The following DDRGK1 variants were observed in gnomAD, a reference collection of about 807,000 sequenced individuals.
DDRGK1 encodes DDRGK domain containing 1.
In DDRGK1, 38 loss-of-function variants were observed where a neutral mutation model predicts 45.8. The ratio of observed to expected loss-of-function variants is 0.83; its 90% CI spans 0.64 to 1.09. The LOEUF (loss-of-function observed/expected upper bound fraction) is 1.09. DDRGK1 is among the 50% of genes least tolerant of loss of function. The pLI is 0.00. For synonymous variants in DDRGK1, 171 were observed against 168.7 expected (o/e 1.01, Z -0.11); for missense variants, 403 against 419.9 (o/e 0.96, Z 0.35).
At chr20:3,200,954 C>CA (rs1168520643) in intron 2 of DDRGK1, among the ~76,000 whole-genome samples, 2 of 152,186 alleles carry the variant, frequency 1.3e-5, no homozygotes, top group Non-Finnish European at 2.9e-5. Flanking sequence ...ACTAAAAATA[C>CA]AAAAAATTAG....
intron 1 of DDRGK1, 79 bp downstream of exon 1, chr20:3,204,458 C>T: frequency 7.0e-7 from 1 of 1,427,406 alleles, no homozygotes; most frequent in Non-Finnish European, 9.4e-7. Context: ...CGCGCAGGAG[C>T]CGCGGCGCGA....
intron 4 of DDRGK1, among the ~76,000 whole-genome samples, chr20:3,197,308 A>G (rs751622955): frequency 6.6e-6 from 1 of 151,972 alleles, no homozygotes; most frequent in African/African-American, 2.4e-5. Flanking sequence ...AGATTTCCAT[A>G]TAATTTATGT....
intron 4 of DDRGK1, among the ~76,000 whole-genome samples, chr20:3,198,700 C>CA (rs151197280): frequency 0.19 from 7,935 of 40,890 alleles, 1,207 homozygotes; most frequent in Non-Finnish European, 0.24. Flanking sequence ...AACTCCGTTT[C>CA]AAAAAAAAAA....
chr20:3,193,768 C>A (rs1009396225), intron 6 of DDRGK1, among the ~76,000 whole-genome samples: 26 of 152,134 alleles, frequency 1.7e-4, no homozygotes, highest in Non-Finnish European at 3.1e-4. Flanking sequence ...GAACTGGGGA[C>A]CTTTCTTCTG....
At chr20:3,195,016 C>G in intron 5 of DDRGK1, 148 bp from the exon 6 acceptor site, 1 of 1,325,470 alleles carries the variant, frequency 7.5e-7, no homozygotes, top group Non-Finnish European at 1.0e-6. Flanking sequence ...TACCGCTTGC[C>G]TACACAAGCA....
chr20:3,196,537 C>T (rs1424164249), intron 4 of DDRGK1, among the ~76,000 whole-genome samples: 9 of 148,298 alleles, frequency 6.1e-5, no homozygotes, highest in Admixed American at 1.3e-4. Flanking sequence ...AAAAATTAGC[C>T]GGGCGTGGTG....
intron 2 of DDRGK1, among the ~76,000 whole-genome samples, chr20:3,201,232 G>A (rs1219318678): frequency 1.4e-5 from 2 of 147,976 alleles, no homozygotes; most frequent in African/African-American, 5.1e-5. Context: ...TGCAGTGAGC[G>A]GAGATCGCGC....
chr20:3,203,257 G>A lies in DDRGK1; in HGVS notation c.251C>T (p.Ala84Val). 6.2e-7 allele frequency: 1 copy of A among 1,605,382 alleles called. No homozygotes were observed. Among genetic ancestry groups the A allele is most frequent in the Non-Finnish European group, 8.5e-7 (1 of 1,175,038 alleles). The change falls in exon 2 of 9, where the codon GCC (alanine) becomes GTC (valine). Residue 84 changes from alanine to valine, a missense_variant. By Grantham distance (64) the Ala-to-Val change is moderately conservative (BLOSUM62 0). Coordinates refer to ENST00000354488, the MANE Select transcript of DDRGK1 (RefSeq NM_023935.3). Reference protein sequence around the residue: ...LQAQRRAQRVAWAEADENEEE... With the variant: ...LQAQRRAQRVVWAEADENEEE... ...CTCGTTCTCATCTGCTTCTGCCCAG[G>A]CCACCCGCTGGGCTCGACGCTGGGC...
rs181405468 is a variant in DDRGK1, at chr20:3,200,272, T to C, written c.408+70A>G. The C allele has an allele frequency of 4.5e-4, 670 of 1,496,322 alleles. 3 individuals are homozygous for C. In the African/African-American group the frequency reaches 7.6e-3, roughly 17 times the overall value. 92.7% of individuals were successfully genotyped at this position (1,496,322 alleles called of 1,614,324 possible). ...CCCAGCAGGCAACAAGCCCTCAGTCTGCCTTAGGGAAAAAGGAAGGCAGTG... is the reference window on the plus strand; with the variant it reads ...CCCAGCAGGCAACAAGCCCTCAGTCCGCCTTAGGGAAAAAGGAAGGCAGTG... On this transcript the variant is annotated intron_variant, in intron 3 of 8. Coordinates refer to ENST00000354488, the MANE Select transcript of DDRGK1 (RefSeq NM_023935.3).
Position 3,203,375 on chromosome 20 carries a change from C to T in DDRGK1, c.133G>A (p.Gly45Ser), listed in dbSNP as rs751012109. The T allele has an allele frequency of 2.0e-5, 32 of 1,604,610 alleles. No individual in the cohort carries two copies. Among genetic ancestry groups the T allele is most frequent in the Non-Finnish European group, 2.6e-5 (31 of 1,175,590 alleles). Residue 45 changes from glycine to serine, a missense_variant, in exon 2 of 9, where the codon GGC (glycine) becomes AGC (serine). By Grantham distance (56) the Gly-to-Ser change is moderately conservative. Transcript: ENST00000354488. ...PLHNEELAGA[G>S]RVAQPGPLEP... Reference sequence around the variant, plus strand: ...AGGGGCCCAGGCTGGGCCACCCGGCCTGCTCCTGCCAGCTCCTCATTGTGC... The same window carrying T: ...AGGGGCCCAGGCTGGGCCACCCGGCTTGCTCCTGCCAGCTCCTCATTGTGC...
chr20:3,202,495 C>A (rs753319972), intron 2 of DDRGK1, among the ~76,000 whole-genome samples: 1 of 152,298 alleles, frequency 6.6e-6, no homozygotes, highest in Middle Eastern at 3.4e-3. Context: ...CAAACCCTGG[C>A]TGAAATGACA....
In DDRGK1 at chr20:3,203,415, G is replaced by T; in HGVS notation, c.93C>A (p.Ala31=). The change falls in exon 2 of 9, where the codon GCC becomes GCA. Residue 31 remains alanine (A), a splice_region_variant and synonymous_variant. Transcript: ENST00000354488. ...LTRSRGRAAS[A]GQEPLHNEEL... ...CCTCATTGTGCAGTGGCTCTTGGCC[G>T]GCTGTAGGGAAGACAGAAATGACAA... The T allele has an allele frequency of 1.3e-6, 2 of 1,558,196 alleles. No individual in the cohort carries two copies. Among genetic ancestry groups the T allele is most frequent in the South Asian group, 1.2e-5 (1 of 85,010 alleles).
At chr20:3,196,667 C>G (rs577576145) in intron 4 of DDRGK1, among the ~76,000 whole-genome samples, 2 of 151,962 alleles carry the variant, frequency 1.3e-5, no homozygotes, top group East Asian at 3.9e-4. Context: ...GGGGACAGAG[C>G]GAGACTCCAT....
At chr20:3,200,915 CCTGG>C (rs1254776318) in intron 2 of DDRGK1, among the ~76,000 whole-genome samples, 3 of 152,188 alleles carry the variant, frequency 2.0e-5, no homozygotes, top group Non-Finnish European at 4.4e-5. Flanking sequence ...TCGAGATCAT[CCTGG>C]CTAACATGGT....
intron 4 of DDRGK1, among the ~76,000 whole-genome samples, chr20:3,197,224 G>GAAAAAAAAAAAAAAA (rs34672443): frequency 5.4e-5 from 4 of 74,564 alleles, no homozygotes; most frequent in Non-Finnish European, 7.6e-5. Flanking sequence ...CTCCATCTCA[G>GAAAAAAAAAAAAAAA]AAAAAAAAAA....
intron 2 of DDRGK1, 37 bp downstream of exon 2, chr20:3,203,176 C>A (rs1332820008): frequency 6.7e-7 from 1 of 1,501,932 alleles, no homozygotes; most frequent in African/African-American, 1.4e-5. Context: ...CCCCCTCCAA[C>A]CCAAACCCTC....
At chr20:3,193,137 T>C (rs2066996227) in intron 6 of DDRGK1, among the ~76,000 whole-genome samples, 1 of 152,232 alleles carries the variant, frequency 6.6e-6, no homozygotes, top group East Asian at 1.9e-4. Flanking sequence ...GGCAGGAAGA[T>C]CGCCTGAGCC....
At chr20:3,204,435 G>C (rs41281854) in intron 1 of DDRGK1, 102 bp downstream of exon 1, 14,907 of 1,238,810 alleles carry the variant, frequency 0.012, 127 homozygotes, top group Non-Finnish European at 0.014. Flanking sequence ...CGTCCCGCCC[G>C]CCCAGGTGCG....
intron 2 of DDRGK1, among the ~76,000 whole-genome samples, chr20:3,201,879 G>C (rs1211241036): frequency 6.6e-6 from 1 of 151,942 alleles, no homozygotes; most frequent in Admixed American, 6.6e-5. Flanking sequence ...AGCCAGGATG[G>C]TCTCAATCTC....
Sources: gnomAD v4.1 joint callset for allele counts (sites outside exome capture counted in the v4.1 genomes callset) on GRCh38, gnomAD v4.1.1 for gene constraint, MANE v1.5 for transcripts, NCBI Gene and HGNC (gene_info 2026-07-23, HGNC 2026-07-21) for gene names.